The following ASIC2 variants were observed in gnomAD, a reference collection of about 807,000 sequenced individuals.
ASIC2 encodes acid-sensing ion channel 2.
In ASIC2, 25 loss-of-function variants were observed where a neutral mutation model predicts 57.3. That is an observed-to-expected ratio of 0.44 (90% CI 0.32 to 0.61). ASIC2 has a LOEUF of 0.61. ASIC2 is among the 20% of genes least tolerant of loss of function. The probability of loss-of-function intolerance (pLI) is 0.06; values close to 1 mark genes in which losing one functional copy is unlikely to be tolerated. For missense variants in ASIC2, 641 were observed against 738.1 expected (o/e 0.87, Z 1.52); for synonymous variants, 319 against 307.5 (o/e 1.04, Z -0.39).
chr17:33,738,679 T>G (rs1198378310), intron 1 of ASIC2, among the ~76,000 whole-genome samples: 1 of 152,166 alleles, frequency 6.6e-6, no homozygotes, highest in East Asian at 1.9e-4. Flanking sequence ...CACTCAATCC[T>G]TGTTTCTGAC....
intron 1 of ASIC2, among the ~76,000 whole-genome samples, chr17:33,466,013 A>G (rs1428825340): frequency 6.6e-6 from 1 of 152,198 alleles, no homozygotes; most frequent in Non-Finnish European, 1.5e-5. Flanking sequence ...GGGCACTGGG[A>G]TTCTGGGATG....
At chr17:33,489,844 A>T (rs1052617463) in intron 1 of ASIC2, among the ~76,000 whole-genome samples, 4 of 152,176 alleles carry the variant, frequency 2.6e-5, no homozygotes, top group African/African-American at 9.6e-5. Context: ...GGGCCCCTTT[A>T]TGCTCAGTCC....
chr17:33,587,389 A>T (rs781564110), intron 1 of ASIC2, among the ~76,000 whole-genome samples: 5 of 152,166 alleles, frequency 3.3e-5, no homozygotes, highest in Non-Finnish European at 7.3e-5. Context: ...CAGTCCTGCT[A>T]TTTTGTGCTC....
At chr17:33,764,373 C>G (rs1275201803) in intron 1 of ASIC2, among the ~76,000 whole-genome samples, 1 of 151,388 alleles carries the variant, frequency 6.6e-6, no homozygotes, top group African/African-American at 2.4e-5. Context: ...CCTGGAGCAG[C>G]CAGCATTCAC....
At chr17:34,034,071 T>C (rs1312491629) in intron 1 of ASIC2, among the ~76,000 whole-genome samples, 1 of 152,198 alleles carries the variant, frequency 6.6e-6, no homozygotes, top group African/African-American at 2.4e-5. Flanking sequence ...AAGAGAATTT[T>C]AGACCAATAT....
In ASIC2 at chr17:33,159,907, A is replaced by G. The variant is rs1365248743; in HGVS notation, c.709-47840T>C. ...ACATAGCATGCACAATGCCTGGCAC[A>G]TAGAAAATGCTCAGTGAAAGGCTGG... On this transcript the variant is annotated intron_variant, in intron 1 of 9. Transcript: ENST00000225823. Among the ~76,000 whole-genome samples the G allele has an allele frequency of 2.0e-5, 3 of 152,344 alleles. No homozygotes were observed. The South Asian group carries it at 6.2e-4, about 32-fold the overall frequency.
At chr17:34,145,464 C>T (rs1473272150) in intron 1 of ASIC2, among the ~76,000 whole-genome samples, 1 of 152,202 alleles carries the variant, frequency 6.6e-6, no homozygotes, top group African/African-American at 2.4e-5. Flanking sequence ...CTTTACCTGA[C>T]ATTGATCCAC....
rs189093751 is a variant in ASIC2 at position 33,848,978 on chromosome 17, C to G, written c.555+307000G>C. Among the ~76,000 whole-genome samples, 848 of 152,274 alleles carry G rather than the reference C, an allele frequency of 5.6e-3. 7 individuals carry two copies. The highest frequency in any genetic ancestry group is 9.1e-3 in the Non-Finnish European group (616 of 68,016). On this transcript the variant is annotated intron_variant, in intron 1 of 9. Transcript: ENST00000359872. The stretch of plus-strand genomic sequence containing the variant: ...TAATTCCTTTGTTAAAGTAACATAC[C>G]TAGGAAGAGGCAGATCCTGCCTACT...
chr17:33,165,156 G>T (rs529511879), intron 1 of ASIC2, among the ~76,000 whole-genome samples: 30 of 152,304 alleles, frequency 2.0e-4, no homozygotes, highest in Admixed American at 5.9e-4. Flanking sequence ...TTCTGGATGG[G>T]CACCCCCTGT....
intron 1 of ASIC2, among the ~76,000 whole-genome samples, chr17:33,649,181 C>A (rs1346588156): frequency 1.3e-5 from 2 of 152,210 alleles, no homozygotes; most frequent in South Asian, 4.1e-4. Flanking sequence ...ACAACAAAAC[C>A]GTCTACAACT....
intron 1 of ASIC2, among the ~76,000 whole-genome samples, chr17:33,875,305 G>T (rs978001229): frequency 1.3e-5 from 2 of 152,348 alleles, no homozygotes; most frequent in African/African-American, 2.4e-5. Flanking sequence ...CCTGATGGAT[G>T]AGCAGAGTTT....
chr17:33,478,897 C>A (rs939403349), intron 1 of ASIC2, among the ~76,000 whole-genome samples: 8 of 152,180 alleles, frequency 5.3e-5, no homozygotes, highest in African/African-American at 1.9e-4. Context: ...TGAAAATGGA[C>A]TTCATTAGAA....
intron 1 of ASIC2, chr17:33,580,397 G>A (rs182071389): frequency 6.6e-6 from 1 of 152,304 alleles, no homozygotes; most frequent in African/African-American, 2.4e-5. Flanking sequence ...GAAAGAGCTG[G>A]GGACTAGAGA....
At chr17:33,966,148 C>G (rs1259438771) in intron 1 of ASIC2, among the ~76,000 whole-genome samples, 1 of 152,216 alleles carries the variant, frequency 6.6e-6, no homozygotes, top group Non-Finnish European at 1.5e-5. Context: ...TCCCTGGTCT[C>G]CATCTGAGTA....
At chr17:34,050,618 A>G (rs1908521485) in intron 1 of ASIC2, among the ~76,000 whole-genome samples, 1 of 152,212 alleles carries the variant, frequency 6.6e-6, no homozygotes, top group Non-Finnish European at 1.5e-5. Context: ...CTCATTAAAT[A>G]CAAAAGACCT....
intron 1 of ASIC2, among the ~76,000 whole-genome samples, chr17:33,978,659 G>A (rs532923008): frequency 1.8e-4 from 27 of 152,196 alleles, no homozygotes; most frequent in Admixed American, 1.3e-3. Flanking sequence ...CTATGCTTAC[G>A]GTGTGCTGGG....
At chr17:33,273,960 T>A (rs1410677300) in intron 1 of ASIC2, among the ~76,000 whole-genome samples, 1 of 152,188 alleles carries the variant, frequency 6.6e-6, no homozygotes, top group Non-Finnish European at 1.5e-5. Context: ...TTCCTTGCAA[T>A]CACTCTGTGG....
intron 1 of ASIC2, among the ~76,000 whole-genome samples, chr17:33,737,313 G>A (rs138370499): frequency 1.3e-5 from 2 of 152,222 alleles, no homozygotes; most frequent in Non-Finnish European, 2.9e-5. Flanking sequence ...CGAACAAGAG[G>A]TGTCCCTGGT....
At chr17:34,082,053 A>G (rs1457824189) in intron 1 of ASIC2, 1 of 152,170 alleles carries the variant, frequency 6.6e-6, no homozygotes, top group African/African-American at 2.4e-5. Context: ...TCCTTTGCTC[A>G]TGCTGTATCT....
Sources: allele counts gnomAD v4.1 joint callset (sites outside exome capture counted in the v4.1 genomes callset), GRCh38; gene constraint gnomAD v4.1.1; transcripts MANE v1.5; gene names NCBI Gene and HGNC (gene_info 2026-07-23, HGNC 2026-07-21).